The following AFF2 variants were observed in gnomAD, a reference collection of about 807,000 sequenced individuals.
AFF2 encodes the protein ALF transcription elongation factor 2.
In AFF2, 14 loss-of-function variants were observed where a neutral mutation model predicts 76.9. The observed-to-expected ratio is 0.18, with a 90% CI of 0.12 to 0.28. AFF2 has a LOEUF of 0.28. Among genes scored for constraint, AFF2 ranks in the 10% least tolerant of loss-of-function variants. The pLI is 1.00. For missense variants in AFF2, 868 were observed against 1,001.1 expected (o/e 0.87, Z 1.79); for synonymous variants, 398 against 366.7 (o/e 1.09, Z -0.98).
chrX:148,991,310 G>A lies in AFF2; in HGVS notation c.3914G>A (p.Arg1305His), dbSNP rs1041916973. The A allele has an allele frequency of 2.5e-6, 3 of 1,206,610 alleles. No homozygotes were observed. Among genetic ancestry groups the A allele is most frequent in the South Asian group, 1.8e-5 (1 of 56,023 alleles). The change falls in exon 21 of 21, where the codon CGC (arginine) becomes CAC (histidine). Residue 1305 changes from arginine (R) to histidine (H), a missense_variant. By Grantham distance (29) the Arg-to-His change is conservative. This residue lies in a region of AFF2 where 33 missense variants were observed against 63.6 expected (regional missense o/e 0.52). Coordinates refer to ENST00000370460, the MANE Select transcript of AFF2 (RefSeq NM_002025.4). Reference sequence around the variant, plus strand: ...GTTCGCCAAGGACTGTGTTGGCTGCGCATCGATGCCCACTTGTTGTAGTGG... The same window carrying A: ...GTTCGCCAAGGACTGTGTTGGCTGCACATCGATGCCCACTTGTTGTAGTGG... The part of the protein sequence containing the change: ...RYVRQGLCWL[R>H]IDAHLL
intron 1 of AFF2, among the ~76,000 whole-genome samples, chrX:148,644,092 T>C (rs1224255514): frequency 2.7e-5 from 3 of 111,804 alleles, no homozygotes; most frequent in Non-Finnish European, 5.6e-5. Flanking sequence ...AATATCCATT[T>C]GAGTGTCTAC....
intron 9 of AFF2, among the ~76,000 whole-genome samples, chrX:148,921,199 TC>T (rs1557283158): frequency 8.9e-6 from 1 of 112,155 alleles, no homozygotes; most frequent in African/African-American, 3.2e-5. Flanking sequence ...TCTTAAACTT[TC>T]CCCATGGTAG....
At chrX:148,594,950 C>G (rs1453540928) in intron 1 of AFF2, among the ~76,000 whole-genome samples, 2 of 111,819 alleles carry the variant, frequency 1.8e-5, no homozygotes, top group African/African-American at 6.5e-5. Context: ...CAGCTACACA[C>G]AGGGACTGCC....
At chrX:148,561,988 T>C (rs1422274254) in intron 1 of AFF2, among the ~76,000 whole-genome samples, 3 of 112,227 alleles carry the variant, frequency 2.7e-5, no homozygotes, top group African/African-American at 9.7e-5. Context: ...GGAGCTATTA[T>C]GATTAGGATT....
At chrX:148,560,842 G>A (rs782641836) in intron 1 of AFF2, among the ~76,000 whole-genome samples, 1 of 110,512 alleles carries the variant, frequency 9.0e-6, no homozygotes, top group Non-Finnish European at 1.9e-5. Flanking sequence ...TTTCTGGGGG[G>A]GGCACCTCCT....
chrX:148,526,174 A>C (rs190111011), intron 1 of AFF2, among the ~76,000 whole-genome samples: 1 of 111,528 alleles, frequency 9.0e-6, no homozygotes, highest in East Asian at 2.8e-4. Flanking sequence ...TAATTCATTT[A>C]GTCGGTGGAT....
intron 1 of AFF2, among the ~76,000 whole-genome samples, chrX:148,533,035 C>A (rs1470880931): frequency 1.8e-5 from 2 of 111,705 alleles, no homozygotes; most frequent in Non-Finnish European, 3.8e-5. Flanking sequence ...TATGTGGAAA[C>A]CAGGAATTTG....
chrX:148,629,206 A>G (rs1557252666), intron 1 of AFF2, among the ~76,000 whole-genome samples: 8 of 110,354 alleles, frequency 7.2e-5, no homozygotes. Context: ...TTATCTGTAA[A>G]ATGAGGGGAC....
At chrX:148,797,052 C>T (rs914526359) in intron 3 of AFF2, among the ~76,000 whole-genome samples, 1 of 112,461 alleles carries the variant, frequency 8.9e-6, no homozygotes, top group Non-Finnish European at 1.9e-5. Context: ...CGTCTGTTTT[C>T]GTTATGAAAA....
At chrX:148,895,243 T>C (rs1338728420) in intron 8 of AFF2, among the ~76,000 whole-genome samples, 1 of 111,191 alleles carries the variant, frequency 9.0e-6, no homozygotes, top group Non-Finnish European at 1.9e-5. Flanking sequence ...ACCCCTGTAT[T>C]TTGCTAGCAG....
At position 148,874,139 on chromosome X, in the gene AFF2, T is replaced by A. The variant is rs1170614685; in HGVS notation, c.1263-11750T>A. On this transcript the variant is annotated intron_variant, in intron 7 of 20. Transcript: ENST00000370460. ...AAGCCAAATCAGGAAAGAGTAGAGC[T>A]CCAATTTCACAAGATGTTCATCCAC... is the stretch of plus-strand genomic sequence containing the variant. 5.4e-5 allele frequency among the ~76,000 whole-genome samples: 6 copies of A among 111,307 alleles called. No individual in the cohort carries two copies. In the Admixed American group the frequency reaches 5.7e-4, roughly 11 times the overall value.
At chrX:148,857,208 A>G (rs898148221) in intron 7 of AFF2, among the ~76,000 whole-genome samples, 2 of 112,048 alleles carry the variant, frequency 1.8e-5, no homozygotes, top group Non-Finnish European at 3.8e-5. Context: ...GTGAACTATG[A>G]AAAATAATTC....
chrX:148,987,739 A>T (rs1194223294), intron 20 of AFF2, among the ~76,000 whole-genome samples, 182 bp downstream of exon 20: 1 of 111,704 alleles, frequency 9.0e-6, no homozygotes, highest in Non-Finnish European at 1.9e-5. Flanking sequence ...CTGAGAGCAT[A>T]AAAAAGCCCC....
intron 15 of AFF2, among the ~76,000 whole-genome samples, chrX:148,970,333 A>G (rs782565399): frequency 1.8e-5 from 2 of 112,217 alleles, no homozygotes; most frequent in African/African-American, 6.5e-5. Flanking sequence ...ATCATTTTAT[A>G]GTTGTACTTA....
chrX:148,699,236 A>G (rs543774554), intron 3 of AFF2, among the ~76,000 whole-genome samples: 2 of 112,033 alleles, frequency 1.8e-5, no homozygotes, highest in African/African-American at 6.5e-5. Flanking sequence ...GGATAAAGCA[A>G]GTGAGTGTGT....
chrX:148,623,646 C>T (rs1433790449), intron 1 of AFF2, among the ~76,000 whole-genome samples: 3 of 107,004 alleles, frequency 2.8e-5, no homozygotes, highest in South Asian at 4.1e-4. Context: ...ATTTAAACCA[C>T]TTCAAATCAT....
intron 1 of AFF2, among the ~76,000 whole-genome samples, chrX:148,538,486 G>A (rs1038222211): frequency 5.3e-5 from 6 of 112,536 alleles, no homozygotes; most frequent in Middle Eastern, 4.6e-3. Context: ...CACAGAAATC[G>A]TTCAGGAATT....
intron 3 of AFF2, among the ~76,000 whole-genome samples, chrX:148,667,246 T>A (rs2054369442): frequency 8.9e-6 from 1 of 112,609 alleles, no homozygotes; most frequent in African/African-American, 3.2e-5. Flanking sequence ...GCCTGTTTTG[T>A]TTCACACCCT....
chrX:148,652,775 A>G (rs1569552615), intron 2 of AFF2, among the ~76,000 whole-genome samples: 1 of 111,935 alleles, frequency 8.9e-6, no homozygotes, highest in Non-Finnish European at 1.9e-5. Context: ...TATTGATTTT[A>G]CAATGACTGC....
Sources: allele counts gnomAD v4.1 joint callset (sites outside exome capture counted in the v4.1 genomes callset), GRCh38; gene constraint gnomAD v4.1.1; regional missense constraint gnomAD v4.1.1; transcripts MANE v1.5; gene names NCBI Gene and HGNC (gene_info 2026-07-23, HGNC 2026-07-21).